CLSTN2: variants seen among roughly 807,000 people sequenced by gnomAD.
CLSTN2 encodes the protein calsyntenin 2.
Under a neutral mutation model 101.2 loss-of-function variants are expected in CLSTN2, and 48 were observed. The ratio of observed to expected loss-of-function variants is 0.47; its 90% CI spans 0.38 to 0.60. The LOEUF (loss-of-function observed/expected upper bound fraction) is 0.60, where lower values mean the gene tolerates loss of function less well. Ranked by LOEUF, CLSTN2 falls within the 20% of genes least tolerant of loss-of-function variation. The pLI, the probability that CLSTN2 is intolerant of heterozygous loss-of-function variation, is 0.00. For missense variants in CLSTN2, 1,160 were observed against 1,238.2 expected (o/e 0.94, Z 0.95); for synonymous variants, 481 against 463.6 (o/e 1.04, Z -0.48).
At chr3:140,188,332 A>T (rs1412986052) in intron 2 of CLSTN2, among the ~76,000 whole-genome samples, 1 of 152,212 alleles carries the variant, frequency 6.6e-6, no homozygotes, top group African/African-American at 2.4e-5. Flanking sequence ...CTAGCACACC[A>T]GTTCGCTTAG....
chr3:140,226,426 T>A (rs531227143), intron 2 of CLSTN2, among the ~76,000 whole-genome samples: 5 of 152,316 alleles, frequency 3.3e-5, no homozygotes, highest in Non-Finnish European at 5.9e-5. Flanking sequence ...TGTGTTTAAA[T>A]CTATAATTAC....
chr3:139,990,499 G>T (rs951242025), intron 1 of CLSTN2, among the ~76,000 whole-genome samples: 8 of 152,206 alleles, frequency 5.3e-5, no homozygotes, highest in Admixed American at 6.5e-5. Context: ...CTTCAGAAAT[G>T]CATCCTTTGC....
At chr3:140,361,443 CAT>C (rs1475705022) in intron 2 of CLSTN2, among the ~76,000 whole-genome samples, 2 of 152,124 alleles carry the variant, frequency 1.3e-5, no homozygotes, top group Non-Finnish European at 2.9e-5. Flanking sequence ...ACTCATTCTC[CAT>C]ACTTCTATTC....
intron 9 of CLSTN2, among the ~76,000 whole-genome samples, 198 bp downstream of exon 9, chr3:140,532,684 A>T (rs1369162429): frequency 6.6e-6 from 1 of 152,252 alleles, no homozygotes; most frequent in Non-Finnish European, 1.5e-5. Context: ...GCTTAAGGCC[A>T]GATTTTGATT....
chr3:140,465,218 C>T (rs1933660826), intron 7 of CLSTN2, among the ~76,000 whole-genome samples: 1 of 152,200 alleles, frequency 6.6e-6, no homozygotes, highest in African/African-American at 2.4e-5. Context: ...TAAAGTGTAT[C>T]TAAGGCCTGG....
intron 2 of CLSTN2, among the ~76,000 whole-genome samples, chr3:140,176,980 G>C (rs1178681849): frequency 1.3e-5 from 2 of 152,208 alleles, no homozygotes; most frequent in Non-Finnish European, 2.9e-5. Flanking sequence ...CAGAGAAAAG[G>C]GGGTTCTTTT....
intron 2 of CLSTN2, among the ~76,000 whole-genome samples, chr3:140,244,444 G>T (rs1297534519): frequency 6.6e-6 from 1 of 152,136 alleles, no homozygotes; most frequent in Non-Finnish European, 1.5e-5. Context: ...CCAACTAGGT[G>T]GCTACGATGT....
chr3:140,499,057 G>A (rs1934521669), intron 8 of CLSTN2, among the ~76,000 whole-genome samples: 1 of 152,040 alleles, frequency 6.6e-6, no homozygotes, highest in Non-Finnish European at 1.5e-5. Context: ...CAGTGCACTG[G>A]CTGGTTTGCC....
At chr3:140,363,190 T>G (rs1483543540) in intron 2 of CLSTN2, among the ~76,000 whole-genome samples, 1 of 152,078 alleles carries the variant, frequency 6.6e-6, no homozygotes, top group African/African-American at 2.4e-5. Context: ...TAAATGAATC[T>G]CAAAAACACT....
At chr3:140,338,512 C>A (rs563434622) in intron 2 of CLSTN2, among the ~76,000 whole-genome samples, 1 of 152,226 alleles carries the variant, frequency 6.6e-6, no homozygotes, top group African/African-American at 2.4e-5. Flanking sequence ...GCCATCTTTC[C>A]CACAAGGGTG....
At chr3:140,529,434 C>T (rs1178188762) in intron 8 of CLSTN2, among the ~76,000 whole-genome samples, 1 of 152,236 alleles carries the variant, frequency 6.6e-6, no homozygotes, top group African/African-American at 2.4e-5. Flanking sequence ...GATTCATGAA[C>T]AGTCGGGAAT....
chr3:140,007,873 G>C (rs72981824), intron 1 of CLSTN2, among the ~76,000 whole-genome samples: 6,525 of 152,274 alleles, frequency 0.043, 153 homozygotes, highest in Non-Finnish European at 0.054. Flanking sequence ...GGCTGATTCT[G>C]TATGTACCTT....
intron 1 of CLSTN2, among the ~76,000 whole-genome samples, chr3:140,017,362 G>A (rs1488219234): frequency 2.0e-5 from 3 of 152,206 alleles, no homozygotes; most frequent in Non-Finnish European, 2.9e-5. Context: ...TCACTGAAGG[G>A]TTTTGAAAGC....
intron 8 of CLSTN2, among the ~76,000 whole-genome samples, chr3:140,497,100 C>CA (rs57659394): frequency 0.32 from 27,909 of 87,648 alleles, 4,222 homozygotes; most frequent in African/African-American, 0.5. Context: ...GACTCCGTCT[C>CA]AAAAAAAAAA....
In CLSTN2 at chr3:140,528,551, G is replaced by A. The variant is rs191083317; in HGVS notation, c.1345-3773G>A. ...GGGTGCTTTTTTGTTCACAAAGTAG[G>A]ACGTGCATTTAGTAAATGTCTGTAG... On this transcript the variant is annotated intron_variant, in intron 8 of 16. Transcript: ENST00000458420. Among the ~76,000 whole-genome samples the A allele has an allele frequency of 2.0e-5, 3 of 151,486 alleles. No individual in the cohort carries two copies. In the East Asian group the frequency reaches 5.8e-4, roughly 29 times the overall value.
chr3:140,362,532 C>A (rs561853233), intron 2 of CLSTN2, among the ~76,000 whole-genome samples: 2 of 152,052 alleles, frequency 1.3e-5, no homozygotes, highest in Non-Finnish European at 2.9e-5. Flanking sequence ...AGATAAACAA[C>A]AGACTTGGAG....
chr3:140,428,007 C>T (rs2088591503), intron 5 of CLSTN2, among the ~76,000 whole-genome samples: 1 of 152,106 alleles, frequency 6.6e-6, no homozygotes, highest in Admixed American at 6.6e-5. Flanking sequence ...GATGTAGTAC[C>T]CTTGGAGGCT....
intron 2 of CLSTN2, among the ~76,000 whole-genome samples, chr3:140,280,306 G>T (rs943531049): frequency 6.6e-6 from 1 of 152,162 alleles, no homozygotes; most frequent in African/African-American, 2.4e-5. Context: ...TGTCATTTCG[G>T]ATCCTGGGTC....
At position 140,404,840 on chromosome 3, in the gene CLSTN2, G is replaced by A. The variant is rs190766550; in HGVS notation, c.637+74G>A. 232 of 1,265,138 alleles carry A rather than the reference G, an allele frequency of 1.8e-4. 1 individual carries two copies. In the Admixed American group the frequency reaches 4.0e-3, roughly 22 times the overall value. 78.4% of individuals were successfully genotyped at this position (1,265,138 alleles called of 1,614,324 possible). A position where few individuals can be genotyped will look rare whatever the true frequency, so the allele number is the denominator to read the frequency against. Reference sequence around the variant, plus strand: ...GCCTCCACTCTGAAGACCCAACATGGGCTCTGAATATGCTTGGCAAGTTAT... The same window carrying A: ...GCCTCCACTCTGAAGACCCAACATGAGCTCTGAATATGCTTGGCAAGTTAT... On this transcript the variant is annotated intron_variant, in intron 4 of 16. Transcript: ENST00000458420.
Sources: gnomAD v4.1 joint callset for allele counts (sites outside exome capture counted in the v4.1 genomes callset) on GRCh38, gnomAD v4.1.1 for gene constraint, MANE v1.5 for transcripts, NCBI Gene and HGNC (gene_info 2026-07-23, HGNC 2026-07-21) for gene names.